The following SSPN variants were observed in gnomAD, a reference collection of about 807,000 sequenced individuals.
SSPN encodes the protein sarcospan, also known as K-ras oncogene-associated protein.
SSPN carries 15 observed loss-of-function variants against 19.1 expected under a neutral mutation model. That is an observed-to-expected ratio of 0.78 (90% CI 0.52 to 1.21). SSPN has a LOEUF of 1.21. SSPN is among the 50% of genes most tolerant of loss of function. The pLI, the probability that SSPN is intolerant of heterozygous loss-of-function variation, is 0.00. For missense variants in SSPN, 291 were observed against 314.0 expected, an observed-to-expected ratio of 0.93 and a Z score of 0.55; for synonymous variants, 147 against 140.3, an observed-to-expected ratio of 1.05 and a Z score of -0.34.
chr12:26,231,225 G>T lies in SSPN; in HGVS notation c.*149G>T. On this transcript the variant is annotated 3_prime_UTR_variant, in exon 3 of 3. Transcript: ENST00000242729. ...ATTTTTATATTTTTATGAAACAAAAGAGCATTTCTTCAGGTTTCTATTGTA... is the reference window on the plus strand; with the variant it reads ...ATTTTTATATTTTTATGAAACAAAATAGCATTTCTTCAGGTTTCTATTGTA... 1.7e-6 allele frequency: 2 copies of T among 1,184,194 alleles called. No homozygotes were observed. The highest frequency in any genetic ancestry group is 2.9e-4 in the Middle Eastern group (1 of 3,414). The allele number at this position is 1,184,194 out of a possible 1,614,324, so 73.4% of individuals were successfully genotyped here.
At chr12:26,201,032 T>TAG (rs1428516813) in intron 1 of SSPN, among the ~76,000 whole-genome samples, 4 of 38,198 alleles carry the variant, frequency 1.0e-4, no homozygotes, top group Non-Finnish European at 1.9e-4. Flanking sequence ...TATATATATA[T>TAG]ATATATATAT....
chr12:26,217,983 CTA>C (rs1158169290), intron 1 of SSPN, among the ~76,000 whole-genome samples: 1 of 151,848 alleles, frequency 6.6e-6, no homozygotes, highest in Non-Finnish European at 1.5e-5. Flanking sequence ...ACTCAAAGGA[CTA>C]TAAATCATGC....
intron 1 of SSPN, among the ~76,000 whole-genome samples, chr12:26,184,789 A>G (rs1481095427): frequency 6.6e-6 from 1 of 152,202 alleles, no homozygotes; most frequent in Admixed American, 6.5e-5. Flanking sequence ...GGAAGGGAGT[A>G]AAAACTTAGT....
chr12:26,146,217 G>C (rs1450268169), intron 1 of SSPN, among the ~76,000 whole-genome samples: 1 of 152,186 alleles, frequency 6.6e-6, no homozygotes, highest in Non-Finnish European at 1.5e-5. Context: ...GTCTCCTCCA[G>C]AGTGTGCAAC....
chr12:26,193,316 A>C (rs1387992856), upstream of SSPN, among the ~76,000 whole-genome samples: 1 of 152,218 alleles, frequency 6.6e-6, no homozygotes, highest in Non-Finnish European at 1.5e-5. Context: ...ACCCCCATTC[A>C]TAAGTAGGCT....
At chr12:26,202,645 AGTGTG>A (rs1944896679) in intron 1 of SSPN, among the ~76,000 whole-genome samples, 2 of 152,192 alleles carry the variant, frequency 1.3e-5, no homozygotes, top group Admixed American at 1.3e-4. Context: ...GCCCTCTTTC[AGTGTG>A]GTCTGAGAAA....
chr12:26,201,016 T>TATATATATA (rs1309844560), intron 1 of SSPN, among the ~76,000 whole-genome samples: 1 of 45,872 alleles, frequency 2.2e-5, no homozygotes, highest in Non-Finnish European at 4.1e-5. Flanking sequence ...TTTGTGTATA[T>TATATATATA]ATATATATAT....
At chr12:26,183,032 C>T (rs879315297) in intron 1 of SSPN, among the ~76,000 whole-genome samples, 8 of 152,150 alleles carry the variant, frequency 5.3e-5, no homozygotes, top group Non-Finnish European at 8.8e-5. Context: ...TCCCAAAGTG[C>T]TTGGATTACA....
chr12:26,124,021 A>G, intron 1 of SSPN: 1 of 1,220,132 alleles, frequency 8.2e-7, no homozygotes, highest in South Asian at 1.2e-5. Flanking sequence ...GTCGCACCAG[A>G]CTATTAACAC....
Position 26,178,465 on chromosome 12 carries a change from G to A in SSPN, c.-30-45828G>A, listed in dbSNP as rs1944698454. 3.3e-5 allele frequency among the ~76,000 whole-genome samples: 5 copies of A among 152,132 alleles called. No homozygotes were observed. In the South Asian group the frequency reaches 1.0e-3, roughly 32 times the overall value. ...GCACAGAATAAGGTAAATTAAGAAG[G>A]GTTGTAGATGACTGGTTGTATAATA... On this transcript the variant is annotated intron_variant, in intron 1 of 2. Transcript: ENST00000538142.
chr12:26,217,738 G>T (rs1945070503), intron 1 of SSPN, among the ~76,000 whole-genome samples: 1 of 144,698 alleles, frequency 6.9e-6, no homozygotes, highest in Admixed American at 7.0e-5. Context: ...TTATTATTTT[G>T]AAATGCGTCC....
chr12:26,207,998 T>C (rs1591881886), intron 1 of SSPN, among the ~76,000 whole-genome samples: 1 of 125,378 alleles, frequency 8.0e-6, no homozygotes, highest in African/African-American at 2.9e-5. Context: ...AGACCCTGTC[T>C]CAAAAGAAAG....
At chr12:26,224,143 G>T in intron 1 of SSPN, 150 bp from the exon 2 acceptor site, 1 of 602,290 alleles carries the variant, frequency 1.7e-6, no homozygotes, top group South Asian at 2.3e-5. Context: ...TTTTCCACCA[G>T]TTGAAAGAAA....
At chr12:26,131,003 T>C (rs2729622) in intron 1 of SSPN, among the ~76,000 whole-genome samples, 149,126 of 152,198 alleles carry the variant, frequency 0.98, 73,119 homozygotes, top group East Asian at 1. Context: ...TAGGGGTTCT[T>C]TTAGTAAAGG....
intron 1 of SSPN, among the ~76,000 whole-genome samples, chr12:26,182,354 A>ATATT (rs2137442914): frequency 6.6e-6 from 1 of 152,364 alleles, no homozygotes; most frequent in African/African-American, 2.4e-5. Context: ...TTTTTTAAAA[A>ATATT]TAAAAATAAC....
chr12:26,171,969 T>C (rs1270047575), intron 1 of SSPN, among the ~76,000 whole-genome samples: 1 of 152,250 alleles, frequency 6.6e-6, no homozygotes, highest in East Asian at 1.9e-4. Context: ...TTCTCACTGA[T>C]AGCAGTGAGA....
intron 1 of SSPN, among the ~76,000 whole-genome samples, chr12:26,222,099 C>G (rs982059148): frequency 6.6e-6 from 1 of 152,170 alleles, no homozygotes; most frequent in African/African-American, 2.4e-5. Flanking sequence ...AAAGCTGCCT[C>G]CCTGGGTCCT....
chr12:26,124,123 A>G, intron 1 of SSPN: 2 of 1,613,254 alleles, frequency 1.2e-6, no homozygotes, highest in Non-Finnish European at 8.5e-7. Flanking sequence ...CAATGCATTC[A>G]TTAATTCGGT....
chr12:26,122,470 G>A (rs1345902255), intron 1 of SSPN: 34 of 1,346,062 alleles, frequency 2.5e-5, no homozygotes, highest in Non-Finnish European at 3.2e-5. Flanking sequence ...CAGAAGGGCA[G>A]GCAGAAGGGG....
Sources: allele counts gnomAD v4.1 joint callset (sites outside exome capture counted in the v4.1 genomes callset), GRCh38; gene constraint gnomAD v4.1.1; transcripts MANE v1.5; gene names NCBI Gene and HGNC (gene_info 2026-07-23, HGNC 2026-07-21).